The following PNPLA7 variants were observed in gnomAD, a reference collection of about 807,000 sequenced individuals.
PNPLA7 encodes the protein patatin like domain 7, lysophospholipase.
Under a neutral mutation model 161.7 loss-of-function variants are expected in PNPLA7, and 153 were observed. The ratio of observed to expected loss-of-function variants is 0.95; its 90% CI spans 0.83 to 1.08. The LOEUF is 1.08. Among genes scored for constraint, PNPLA7 ranks in the 50% least tolerant of loss-of-function variants. The pLI is 0.00. For synonymous variants in PNPLA7, 809 were observed against 782.1 expected, an observed-to-expected ratio of 1.03 and a Z score of -0.57; for missense variants, 1,739 against 1,856.6, an observed-to-expected ratio of 0.94 and a Z score of 1.16.
At position 137,499,159 on chromosome 9, in the gene PNPLA7, C is replaced by T. The variant is rs577342778; in HGVS notation, c.1758-914G>A. 2.0e-5 allele frequency among the ~76,000 whole-genome samples: 3 copies of T among 151,376 alleles called. No homozygotes were observed. The highest frequency in any genetic ancestry group is 2.1e-4 in the South Asian group (1 of 4,696). On this transcript the variant is annotated intron_variant, in intron 16 of 34. Transcript: ENST00000406427. The surrounding 1 kb of genome is among the most constrained non-coding windows in gnomAD (Gnocchi z 5.5). Reference sequence around the variant, plus strand: ...ACAGACACACGGAGACAGAGACACTCGCAGACACACGGACACACGGAGACA... The same window carrying T: ...ACAGACACACGGAGACAGAGACACTTGCAGACACACGGACACACGGAGACA...
chr9:137,469,040 G>A (rs1353171450), intron 25 of PNPLA7, among the ~76,000 whole-genome samples: 4 of 151,856 alleles, frequency 2.6e-5, no homozygotes, highest in Non-Finnish European at 4.4e-5. Context: ...GCAAAACTCC[G>A]TCTCAGAAAA....
intron 19 of PNPLA7, 97 bp downstream of exon 19, chr9:137,494,936 T>C (rs1309985589): frequency 4.4e-6 from 5 of 1,147,790 alleles, no homozygotes; most frequent in Non-Finnish European, 6.3e-6. Flanking sequence ...CGCCCTCACC[T>C]GCTCTGTGCC....
rs963894733 is a variant in PNPLA7, at chr9:137,486,830, C to T, written c.2198-2094G>A. On this transcript the variant is annotated intron_variant, in intron 20 of 34. Coordinates refer to ENST00000406427, the MANE Select transcript of PNPLA7 (RefSeq NM_001098537.3). The surrounding 1 kb of genome is among the most constrained non-coding windows in gnomAD (Gnocchi z 6.0). ...TCAAAGCCCCTGGTGCCCCTCCCCA[C>T]TCAGAACAAGCCAGAGTCTGCAGCC... Among the ~76,000 whole-genome samples the T allele has an allele frequency of 9.2e-5, 14 of 152,110 alleles. No homozygotes were observed. The highest frequency in any genetic ancestry group is 1.5e-4 in the Non-Finnish European group (10 of 68,006).
rs554266661 is a variant in PNPLA7 at position 137,543,503 on chromosome 9, G to A, written c.435C>T (p.Ala145=). The change falls in exon 6 of 35, where the codon GCC becomes GCT. Residue 145 remains alanine (A), a synonymous_variant. Transcript: ENST00000406427. The surrounding 1 kb of genome is among the most constrained non-coding windows in gnomAD (Gnocchi z 6.9). ...PKEPPPSLLE[A]DLTEFDVKNS... is the part of the protein sequence containing the mutation. ...TCTTCACGTCAAACTCCGTGAGGTC[G>A]GCCTCCAGCAGGGAGGGCGGGGGCT... The A allele has an allele frequency of 6.2e-6, 10 of 1,614,088 alleles. No homozygotes were observed. The highest frequency in any genetic ancestry group is 2.2e-5 in the South Asian group (2 of 91,078).
Position 137,479,568 on chromosome 9 carries a change from T to C in PNPLA7, c.2581-330A>G, listed in dbSNP as rs922634377. 1.6e-5 allele frequency: 17 copies of C among 1,058,548 alleles called. No individual in the cohort carries two copies. The African/African-American group carries it at 2.8e-4, about 18-fold the overall frequency. The allele number at this position is 1,058,548 out of a possible 1,614,324, so 65.6% of individuals were successfully genotyped here. On this transcript the variant is annotated intron_variant, in intron 23 of 34. Transcript: ENST00000406427. ...ACAAACTCTCACAAGGGAGCATCAC[T>C]AGCTGCAGAACAGGAACATACATCA...
chr9:137,481,635 T>A (rs1354205613), intron 21 of PNPLA7, among the ~76,000 whole-genome samples: 1 of 152,094 alleles, frequency 6.6e-6, no homozygotes, highest in Non-Finnish European at 1.5e-5. Flanking sequence ...CAGAGCCCCA[T>A]GTGTGGGAAG....
At chr9:137,516,357 C>T in intron 11 of PNPLA7, 1 of 984,800 alleles carries the variant, frequency 1.0e-6, no homozygotes, top group Non-Finnish European at 1.2e-6. Flanking sequence ...CTGAAGGAGG[C>T]TGCCCTGCCT....
chr9:137,540,075 C>T lies in PNPLA7; in HGVS notation c.747+567G>A, dbSNP rs186327527. Among the ~76,000 whole-genome samples the T allele has an allele frequency of 9.8e-5, 15 of 152,310 alleles. No homozygotes were observed. The highest frequency in any genetic ancestry group is 1.6e-4 in the Non-Finnish European group (11 of 68,040). On this transcript the variant is annotated intron_variant, in intron 8 of 34. Transcript: ENST00000406427. The surrounding 1 kb of genome is among the most constrained non-coding windows in gnomAD (Gnocchi z 5.1). ...CTGGGATTACAGGTGTGAGCCACTG[C>T]GCCCGGCCCGGCAGCACCTTTCAAA...
At chr9:137,501,860 C>T (rs922041554) in intron 14 of PNPLA7, 133 bp from the exon 15 acceptor site, 1 of 884,184 alleles carries the variant, frequency 1.1e-6, no homozygotes, top group African/African-American at 1.7e-5. Context: ...TCCTCCGAGG[C>T]TGTCCTCCAA....
intron 12 of PNPLA7, among the ~76,000 whole-genome samples, chr9:137,513,161 G>A (rs1194984996): frequency 6.6e-6 from 1 of 152,048 alleles, no homozygotes; most frequent in African/African-American, 2.4e-5. Flanking sequence ...ATAAATGAAA[G>A]ACCTCTATGT....
chr9:137,502,982 T>A (rs1833578186), intron 14 of PNPLA7, among the ~76,000 whole-genome samples: 1 of 151,856 alleles, frequency 6.6e-6, no homozygotes, highest in African/African-American at 2.4e-5. Flanking sequence ...CAAGGTGGGC[T>A]GTGGTGTGAT....
In PNPLA7 at chr9:137,460,746, G is replaced by T; in HGVS notation, c.3842-9C>A. ...CTGGTAGTCAGATTCGTCTGGCACCGAGGGTAGGGCTGCGTCAGTCCCCTC... is the reference window on the plus strand; with the variant it reads ...CTGGTAGTCAGATTCGTCTGGCACCTAGGGTAGGGCTGCGTCAGTCCCCTC... On this transcript the variant is annotated splice_polypyrimidine_tract_variant and intron_variant, in intron 33 of 34. Coordinates refer to ENST00000406427, the MANE Select transcript of PNPLA7 (RefSeq NM_001098537.3). 1 of 1,610,558 alleles carries T rather than the reference G, an allele frequency of 6.2e-7. No individual in the cohort carries two copies. Among genetic ancestry groups the T allele is most frequent in the Admixed American group, 1.7e-5 (1 of 59,918 alleles).
rs985499414 is a variant in PNPLA7 at position 137,479,133 on chromosome 9, T to C, written c.2686A>G (p.Met896Val). 9.4e-6 allele frequency: 15 copies of C among 1,595,406 alleles called. No individual in the cohort carries two copies. The highest frequency in any genetic ancestry group is 8.0e-5 in the African/African-American group (6 of 74,652). The change falls in exon 24 of 35, where the codon ATG (methionine) becomes GTG (valine). Residue 896 changes from methionine (M) to valine (V), a missense_variant. By Grantham distance (21) the Met-to-Val change is conservative (BLOSUM62 1). Transcript: ENST00000406427. ...AGGTGGCCGGAGCACCAGCTCCGCA[T>C]GTTGAGCCACTCCACGGTGCGCGCT... ...APARTVEWLN[M>V]RSWCSGHLHL...
chr9:137,515,679 G>A (rs571160227), intron 11 of PNPLA7, among the ~76,000 whole-genome samples, 160 bp from the exon 12 acceptor site: 5 of 151,664 alleles, frequency 3.3e-5, no homozygotes, highest in Admixed American at 6.6e-5. Context: ...TGCATCTGCC[G>A]GGCCAGCAGG....
At chr9:137,502,793 G>C (rs967339906) in intron 14 of PNPLA7, among the ~76,000 whole-genome samples, 2 of 134,536 alleles carry the variant, frequency 1.5e-5, no homozygotes, top group East Asian at 2.3e-4. Flanking sequence ...GGACAGGGGG[G>C]CACTGAACGC....
rs1358741907 is a variant in PNPLA7, at chr9:137,500,825, G to A, written c.1623C>T (p.Asp541=). The stretch of plus-strand genomic sequence containing the variant: ...CGGGGCGCGTGAGGAACAAGCAGGT[G>A]TCCTCCTGGCTGCCGATCTTCCGCT... ...VYQRKIGSQE[D]TCLFLTRPGE... Residue 541 remains aspartate (D), a synonymous_variant, in exon 16 of 35, where the codon GAC becomes GAT. Coordinates refer to ENST00000406427, the MANE Select transcript of PNPLA7 (RefSeq NM_001098537.3). This position sits in a 1 kb window ranked among gnomAD's most constrained non-coding sequence, Gnocchi z 5.5. 6.2e-7 allele frequency: 1 copy of A among 1,604,780 alleles called. No individual in the cohort carries two copies. Among genetic ancestry groups the A allele is most frequent in the Non-Finnish European group, 8.5e-7 (1 of 1,177,226 alleles).
intron 21 of PNPLA7, among the ~76,000 whole-genome samples, chr9:137,482,490 C>A (rs1380925414): frequency 6.6e-6 from 1 of 152,246 alleles, no homozygotes; most frequent in Non-Finnish European, 1.5e-5. Context: ...AGAGGCTACA[C>A]CGTGTGGTTC....
At position 137,467,870 on chromosome 9, in the gene PNPLA7, C is replaced by T. The variant is rs892078440; in HGVS notation, c.2883-397G>A. ...CTGAGATCACACCACTGCACTCCAG[C>T]CTGGGAGACAGAGTGAGACTCTGAC... On this transcript the variant is annotated intron_variant, in intron 25 of 34. Coordinates refer to ENST00000406427, the MANE Select transcript of PNPLA7 (RefSeq NM_001098537.3). The surrounding 1 kb of genome is among the most constrained non-coding windows in gnomAD (Gnocchi z 5.1). 1.8e-4 allele frequency among the ~76,000 whole-genome samples: 27 copies of T among 152,152 alleles called. No homozygotes were observed. Among genetic ancestry groups the T allele is most frequent in the African/African-American group, 5.3e-4 (22 of 41,498 alleles).
At chr9:137,496,548 C>T (rs1833068221) in intron 18 of PNPLA7, among the ~76,000 whole-genome samples, 1 of 151,498 alleles carries the variant, frequency 6.6e-6, no homozygotes. Flanking sequence ...CCCATCTCTA[C>T]TAAAAATACA....
Sources: gnomAD v4.1 joint callset for allele counts (sites outside exome capture counted in the v4.1 genomes callset) on GRCh38, gnomAD v4.1.1 for gene constraint, Gnocchi (gnomAD v3.1) non-coding constraint, MANE v1.5 for transcripts, NCBI Gene and HGNC (gene_info 2026-07-23, HGNC 2026-07-21) for gene names.